ASIP: variants seen among roughly 807,000 people sequenced by gnomAD.
ASIP encodes the protein agouti-signaling protein.
Under a neutral mutation model 10.3 loss-of-function variants are expected in ASIP, and 11 were observed. The observed-to-expected ratio is 1.07, with a 90% CI of 0.68 to 1.78. The LOEUF (loss-of-function observed/expected upper bound fraction) is 1.78, where lower values mean the gene tolerates loss of function less well. ASIP is among the 40% of genes most tolerant of loss of function. The pLI, the probability that ASIP is intolerant of heterozygous loss-of-function variation, is 0.00. For synonymous variants in ASIP, 70 were observed against 70.8 expected (o/e 0.99, Z 0.06); for missense variants, 180 against 169.2 (o/e 1.06, Z -0.35).
intron 3 of ASIP, among the ~76,000 whole-genome samples, chr20:34,268,353 G>A (rs1351869234): frequency 1.3e-5 from 2 of 152,104 alleles, no homozygotes; most frequent in Non-Finnish European, 2.9e-5. Flanking sequence ...AGTTAACAGG[G>A]GTCGGAGAGG....
chr20:34,202,866 C>A (rs982484492), intron 1 of ASIP, among the ~76,000 whole-genome samples: 2 of 137,530 alleles, frequency 1.5e-5, no homozygotes, highest in Non-Finnish European at 3.0e-5. Context: ...TGGAGTGCAG[C>A]GGCATGATCT....
At chr20:34,268,578 A>T (rs1301492523) in intron 3 of ASIP, among the ~76,000 whole-genome samples, 1 of 151,980 alleles carries the variant, frequency 6.6e-6, no homozygotes, top group Non-Finnish European at 1.5e-5. Flanking sequence ...AAATAAAATA[A>T]AAATAAATTT....
intron 1 of ASIP, chr20:34,215,845 G>A (rs1234478669): frequency 1.5e-6 from 2 of 1,330,154 alleles, no homozygotes; most frequent in African/African-American, 2.9e-5. Flanking sequence ...TTAGTCTAAA[G>A]TCTGAATCAG....
intron 1 of ASIP, among the ~76,000 whole-genome samples, chr20:34,246,798 G>T (rs2035383348): frequency 6.6e-6 from 1 of 152,040 alleles, no homozygotes. Context: ...TAAACTTGAA[G>T]CTCCCTTTAC....
chr20:34,238,628 T>G (rs998976699), upstream of ASIP, among the ~76,000 whole-genome samples: 6 of 152,180 alleles, frequency 3.9e-5, no homozygotes, highest in African/African-American at 1.4e-4. Context: ...TTTTAATATA[T>G]TTGTCTAGTA....
intron 1 of ASIP, among the ~76,000 whole-genome samples, chr20:34,223,883 C>A (rs1393026745): frequency 9.4e-5 from 8 of 84,844 alleles, no homozygotes; most frequent in African/African-American, 2.8e-4. Flanking sequence ...AAGAAAAATT[C>A]TTCTGCCTTG....
At chr20:34,240,601 C>T (rs1030334870), upstream of ASIP, among the ~76,000 whole-genome samples, 2 of 152,192 alleles carry the variant, frequency 1.3e-5, no homozygotes, top group Non-Finnish European at 1.5e-5. Context: ...TGGGCTGGGC[C>T]TCAGCAATCT....
intron 1 of ASIP, among the ~76,000 whole-genome samples, chr20:34,204,043 G>C (rs769907343): frequency 6.6e-5 from 10 of 152,172 alleles, no homozygotes; most frequent in East Asian, 3.9e-4. Context: ...ATATTTTAAT[G>C]TTCATTTTTA....
chr20:34,268,897 C>T (rs932914863), intron 3 of ASIP, 94 bp from the exon 4 acceptor site: 36 of 1,468,456 alleles, frequency 2.5e-5, no homozygotes, highest in Middle Eastern at 2.1e-4. Context: ...ACCTCTGGTC[C>T]GGGATCTCCC....
At chr20:34,227,769 C>A (rs2035102846) in intron 1 of ASIP, among the ~76,000 whole-genome samples, 1 of 152,098 alleles carries the variant, frequency 6.6e-6, no homozygotes, top group Non-Finnish European at 1.5e-5. Flanking sequence ...TAGAAGTTGA[C>A]AAGTTTATTC....
chr20:34,190,615 A>G (rs2034818993), upstream of ASIP, among the ~76,000 whole-genome samples: 1 of 152,022 alleles, frequency 6.6e-6, no homozygotes, highest in South Asian at 2.1e-4. Flanking sequence ...AGTAAACAGA[A>G]CTCACCCCCT....
At chr20:34,252,670 T>C (rs1007433306) in intron 1 of ASIP, among the ~76,000 whole-genome samples, 12 of 152,180 alleles carry the variant, frequency 7.9e-5, no homozygotes, top group Admixed American at 6.5e-4. Context: ...CCTCTTTCAC[T>C]ACTCCCCCTC....
At chr20:34,250,670 G>T (rs1048148905) in intron 1 of ASIP, among the ~76,000 whole-genome samples, 6 of 152,150 alleles carry the variant, frequency 3.9e-5, no homozygotes, top group African/African-American at 1.4e-4. Context: ...AGTGGTGCAT[G>T]CCTGTAATCC....
chr20:34,254,555 C>T (rs1475312760), intron 1 of ASIP, among the ~76,000 whole-genome samples: 7 of 152,178 alleles, frequency 4.6e-5, no homozygotes, highest in Admixed American at 3.9e-4. Flanking sequence ...AGACATTTGG[C>T]AACAAAACCC....
chr20:34,263,103 T>C (rs552958158), intron 3 of ASIP, among the ~76,000 whole-genome samples: 18 of 152,098 alleles, frequency 1.2e-4, no homozygotes, highest in Non-Finnish European at 2.4e-4. Context: ...CTGAGCAAAA[T>C]AGGTTACGAA....
intron 1 of ASIP, among the ~76,000 whole-genome samples, chr20:34,235,884 AG>A (rs1568756319): frequency 1.0e-5 from 1 of 95,492 alleles, no homozygotes; most frequent in African/African-American, 7.5e-5. Context: ...GAAGGAAGGA[AG>A]GAAGGAAGGA....
chr20:34,268,855 G>C (rs562675235), intron 3 of ASIP, 136 bp from the exon 4 acceptor site: 4 of 1,039,182 alleles, frequency 3.8e-6, no homozygotes, highest in Non-Finnish European at 5.6e-6. Context: ...CTGGGGGAGC[G>C]GGCGGTGGGC....
At chr20:34,225,722 CTT>C (rs2035088350) in intron 1 of ASIP, among the ~76,000 whole-genome samples, 1 of 151,960 alleles carries the variant, frequency 6.6e-6, no homozygotes, top group Non-Finnish European at 1.5e-5. Context: ...GAGTTTATAG[CTT>C]TTTTTGTATA....
At chr20:34,223,154 C>T (rs1429592633) in intron 1 of ASIP, among the ~76,000 whole-genome samples, 2 of 151,916 alleles carry the variant, frequency 1.3e-5, no homozygotes, top group Non-Finnish European at 2.9e-5. Flanking sequence ...AGCGTCTCCT[C>T]CTGGCCGCCA....
Sources: allele counts gnomAD v4.1 joint callset (sites outside exome capture counted in the v4.1 genomes callset), GRCh38; gene constraint gnomAD v4.1.1; transcripts MANE v1.5; gene names NCBI Gene and HGNC (gene_info 2026-07-23, HGNC 2026-07-21).